SGIP1: variants seen among roughly 807,000 people sequenced by gnomAD.
SGIP1 encodes the protein SH3-containing GRB2-like protein 3-interacting protein 1.
SGIP1 carries 38 observed loss-of-function variants against 107.5 expected under a neutral mutation model. That is an observed-to-expected ratio of 0.35 (90% CI 0.27 to 0.46). The LOEUF (loss-of-function observed/expected upper bound fraction) is 0.46. Among genes scored for constraint, SGIP1 ranks in the 20% least tolerant of loss-of-function variants. The pLI is 1.00. For missense variants in SGIP1, 929 were observed against 1,019.5 expected (o/e 0.91, Z 1.21); for synonymous variants, 365 against 366.1 (o/e 1.00, Z 0.03).
intron 1 of SGIP1, among the ~76,000 whole-genome samples, chr1:66,548,016 A>C (rs2056729231): frequency 6.6e-6 from 1 of 152,106 alleles, no homozygotes; most frequent in Non-Finnish European, 1.5e-5. Flanking sequence ...CCAGTGAGGA[A>C]GGGAACAGAG....
chr1:66,720,612 G>A (rs980561795), intron 19 of SGIP1, among the ~76,000 whole-genome samples: 4 of 152,096 alleles, frequency 2.6e-5, no homozygotes, highest in Non-Finnish European at 2.9e-5. Flanking sequence ...TGCAGTCCCA[G>A]CTACTTAGGA....
chr1:66,739,937 T>G (rs1387040262), intron 22 of SGIP1, among the ~76,000 whole-genome samples: 1 of 152,156 alleles, frequency 6.6e-6, no homozygotes, highest in Non-Finnish European at 1.5e-5. Flanking sequence ...ACCCACAAAC[T>G]AGAGGCTAGA....
intron 1 of SGIP1, among the ~76,000 whole-genome samples, chr1:66,548,848 T>TA (rs2056899041): frequency 6.6e-6 from 1 of 152,210 alleles, no homozygotes; most frequent in Non-Finnish European, 1.5e-5. Context: ...CTCCAATTCA[T>TA]AGCCCTCTCT....
intron 1 of SGIP1, among the ~76,000 whole-genome samples, chr1:66,599,088 G>T (rs141785289): frequency 6.6e-6 from 1 of 151,936 alleles, no homozygotes; most frequent in African/African-American, 2.4e-5. Context: ...AATACAATTC[G>T]GTTGTTATTT....
At chr1:66,627,456 T>C (rs1055007676) in intron 2 of SGIP1, among the ~76,000 whole-genome samples, 6 of 152,094 alleles carry the variant, frequency 3.9e-5, no homozygotes, top group African/African-American at 1.4e-4. Context: ...CAGGACCAGA[T>C]AGGAAGGGCC....
chr1:66,565,311 C>G (rs995164171), intron 1 of SGIP1, among the ~76,000 whole-genome samples: 5 of 151,980 alleles, frequency 3.3e-5, no homozygotes, highest in African/African-American at 1.2e-4. Flanking sequence ...TATATGGGCT[C>G]TTATTTTTGA....
At chr1:66,741,204 G>T in intron 23 of SGIP1, 68 bp from the exon 24 acceptor site, 3 of 1,448,528 alleles carry the variant, frequency 2.1e-6, no homozygotes, top group African/African-American at 1.4e-5. Context: ...ACTTTTGAAT[G>T]CAACCTCCAA....
At chr1:66,734,456 C>A (rs534461998) in intron 21 of SGIP1, among the ~76,000 whole-genome samples, 31 of 151,444 alleles carry the variant, frequency 2.0e-4, no homozygotes, top group African/African-American at 7.3e-4. Flanking sequence ...CCTGATAGTG[C>A]CTGAGTCTCT....
At chr1:66,734,167 TAA>T (rs2094133656) in intron 21 of SGIP1, among the ~76,000 whole-genome samples, 1 of 152,300 alleles carries the variant, frequency 6.6e-6, no homozygotes, top group East Asian at 1.9e-4. Context: ...ATTAAGATTA[TAA>T]GTTTATATTG....
chr1:66,570,241 T>C lies in SGIP1; in HGVS notation c.10+35873T>C, dbSNP rs149669947. Among the ~76,000 whole-genome samples, 199 of 152,042 alleles carry C rather than the reference T, an allele frequency of 1.3e-3. 1 individual carries two copies. Among genetic ancestry groups the C allele is most frequent in the Admixed American group, 2.4e-3 (37 of 15,224 alleles). ...CTATGTGAAATGCCATCAGTGAGCA[T>C]GCATAAATTCTGCCATTATCATCCT... On this transcript the variant is annotated intron_variant, in intron 1 of 24. Transcript: ENST00000371037.
chr1:66,554,364 G>A (rs1362044418), intron 1 of SGIP1, among the ~76,000 whole-genome samples: 2 of 152,132 alleles, frequency 1.3e-5, no homozygotes, highest in Non-Finnish European at 2.9e-5. Context: ...AAGGTCCTTA[G>A]CCAATGCAAA....
At chr1:66,708,453 T>A (rs2092680125) in intron 18 of SGIP1, among the ~76,000 whole-genome samples, 1 of 152,140 alleles carries the variant, frequency 6.6e-6, no homozygotes, top group African/African-American at 2.4e-5. Context: ...AAATCCTAAG[T>A]TTTTAGACTG....
At chr1:66,630,841 A>AGAGAG (rs1570908943) in intron 2 of SGIP1, among the ~76,000 whole-genome samples, 2 of 17,964 alleles carry the variant, frequency 1.1e-4, no homozygotes, top group East Asian at 5.3e-3. Context: ...GAAAGAAAGA[A>AGAGAG]AGAAAGAAAG....
At chr1:66,719,932 A>G (rs1402525588) in intron 19 of SGIP1, among the ~76,000 whole-genome samples, 1 of 152,190 alleles carries the variant, frequency 6.6e-6, no homozygotes, top group Non-Finnish European at 1.5e-5. Flanking sequence ...AAAACTGGCC[A>G]AAAATGAAAG....
In SGIP1 at chr1:66,651,014, A is replaced by C. The variant is rs377750967; in HGVS notation, c.459+7295A>C. 4.6e-5 allele frequency among the ~76,000 whole-genome samples: 7 copies of C among 152,292 alleles called. No homozygotes were observed. The South Asian group carries it at 8.3e-4, about 18-fold the overall frequency. On this transcript the variant is annotated intron_variant, in intron 7 of 24. Transcript: ENST00000371037. ...CTCAGTCAAGGCTTAATCGAGTGTA[A>C]AATAAGGTTAATAATACTGCCCACT... is the stretch of plus-strand genomic sequence containing the variant.
chr1:66,549,012 T>C (rs1031995545), intron 1 of SGIP1, among the ~76,000 whole-genome samples: 4 of 152,214 alleles, frequency 2.6e-5, no homozygotes, highest in African/African-American at 7.2e-5. Flanking sequence ...TAATTTCTTA[T>C]GTAATATAGC....
At chr1:66,587,564 G>T (rs774344592) in intron 1 of SGIP1, among the ~76,000 whole-genome samples, 1 of 151,854 alleles carries the variant, frequency 6.6e-6, no homozygotes, top group Non-Finnish European at 1.5e-5. Context: ...CTCTTGTTAC[G>T]TTGAAAACCC....
chr1:66,696,574 T>G (rs1178592971), intron 18 of SGIP1, among the ~76,000 whole-genome samples: 1 of 152,214 alleles, frequency 6.6e-6, no homozygotes, highest in Non-Finnish European at 1.5e-5. Flanking sequence ...CAATAAATTT[T>G]GCTTGCAAGA....
At chr1:66,580,409 C>T (rs1168959467) in intron 1 of SGIP1, among the ~76,000 whole-genome samples, 1 of 152,174 alleles carries the variant, frequency 6.6e-6, no homozygotes, top group African/African-American at 2.4e-5. Context: ...GGTCTCTACT[C>T]AGATATCACC....
Sources: allele counts gnomAD v4.1 joint callset (sites outside exome capture counted in the v4.1 genomes callset), GRCh38; gene constraint gnomAD v4.1.1; transcripts MANE v1.5; gene names NCBI Gene and HGNC (gene_info 2026-07-23, HGNC 2026-07-21).